Variants in ELOVL5 observed in about 807,000 individuals in gnomAD.
The protein encoded by ELOVL5 is ELOVL fatty acid elongase 5, also known as very long chain fatty acid elongase 5.
A neutral mutation model predicts 38.6 loss-of-function variants in ELOVL5; 8 were observed. The observed-to-expected ratio is 0.21, with a 90% CI of 0.12 to 0.37. ELOVL5 has a LOEUF of 0.37. ELOVL5 is among the 10% of genes least tolerant of loss of function. ELOVL5 has a pLI of 1.00. For missense variants in ELOVL5, 280 were observed against 367.8 expected (o/e 0.76, Z 1.95); for synonymous variants, 127 against 133.7 (o/e 0.95, Z 0.34).
At chr6:53,307,451 A>G (rs2127581441) in intron 1 of ELOVL5, among the ~76,000 whole-genome samples, 1 of 152,374 alleles carries the variant, frequency 6.6e-6, no homozygotes, top group South Asian at 2.1e-4. Flanking sequence ...TGCTTAGAAT[A>G]GTGTGTGGCA....
chr6:53,294,113 C>T lies in ELOVL5; in HGVS notation c.58+1529G>A, dbSNP rs1305869082. 15 of 1,395,264 alleles carry T rather than the reference C, an allele frequency of 1.1e-5. No individual in the cohort carries two copies. The Admixed American group carries it at 1.5e-4, about 14-fold the overall frequency. The allele number at this position is 1,395,264 out of a possible 1,614,324, so 86.4% of individuals were successfully genotyped here. On this transcript the variant is annotated intron_variant, in intron 2 of 7. Coordinates refer to ENST00000304434, the MANE Select transcript of ELOVL5 (RefSeq NM_021814.5). ...TTTTAACTTAAACCTCTGATTTACA[C>T]TTTGCTTTATTCATTTTCCCACAAA...
chr6:53,312,128 T>G (rs1322384123), intron 1 of ELOVL5, among the ~76,000 whole-genome samples: 1 of 152,206 alleles, frequency 6.6e-6, no homozygotes, highest in Non-Finnish European at 1.5e-5. Flanking sequence ...AGAAGTAACC[T>G]TCTGCTACAG....
In ELOVL5 at chr6:53,331,547, G is replaced by A. The variant is rs1768802888; in HGVS notation, c.-9+17270C>T. 2.0e-5 allele frequency among the ~76,000 whole-genome samples: 3 copies of A among 152,232 alleles called. No individual in the cohort carries two copies. The South Asian group carries it at 6.2e-4, about 32-fold the overall frequency. ...CATTAAGATGACCCCTACTTCACCA[G>A]GCAAGAGGAATTTTTCAGTTCCATT... is the stretch of plus-strand genomic sequence containing the variant. On this transcript the variant is annotated intron_variant, in intron 1 of 7. Transcript: ENST00000304434.
At chr6:53,310,505 C>T (rs572909248) in intron 1 of ELOVL5, among the ~76,000 whole-genome samples, 66 of 152,282 alleles carry the variant, frequency 4.3e-4, no homozygotes, top group African/African-American at 1.5e-3. Flanking sequence ...GACTTAATCA[C>T]ATTACTTACT....
chr6:53,330,681 A>G (rs943913625), intron 1 of ELOVL5, among the ~76,000 whole-genome samples: 1 of 151,888 alleles, frequency 6.6e-6, no homozygotes, highest in African/African-American at 2.4e-5. Context: ...GCCACTGTTC[A>G]TGAGTTTTAC....
chr6:53,314,708 GA>G (rs1767963845), intron 1 of ELOVL5, among the ~76,000 whole-genome samples: 1 of 151,328 alleles, frequency 6.6e-6, no homozygotes, highest in Non-Finnish European at 1.5e-5. Flanking sequence ...TAATTTGAGT[GA>G]AAAAAATAAA....
At chr6:53,334,208 T>C (rs991828412) in intron 1 of ELOVL5, among the ~76,000 whole-genome samples, 7 of 152,094 alleles carry the variant, frequency 4.6e-5, no homozygotes, top group Admixed American at 6.5e-5. Flanking sequence ...CCATTTCCCC[T>C]TTTCCAGCAC....
At chr6:53,326,668 C>T (rs750158663) in intron 1 of ELOVL5, among the ~76,000 whole-genome samples, 1 of 152,186 alleles carries the variant, frequency 6.6e-6, no homozygotes, top group Non-Finnish European at 1.5e-5. Context: ...ACTCCAAATA[C>T]AAATTATTTA....
At chr6:53,339,759 T>C (rs1207191178) in intron 1 of ELOVL5, among the ~76,000 whole-genome samples, 19 of 152,242 alleles carry the variant, frequency 1.2e-4, no homozygotes, top group Admixed American at 1.2e-3. Context: ...ACTATGTCAT[T>C]GGTTTATGTA....
chr6:53,306,016 A>G (rs1160289809), intron 1 of ELOVL5, among the ~76,000 whole-genome samples: 1 of 151,766 alleles, frequency 6.6e-6, no homozygotes. Flanking sequence ...AGCCCGGCCA[A>G]CACAGCGAAA....
intron 1 of ELOVL5, among the ~76,000 whole-genome samples, chr6:53,321,173 C>T (rs1269269638): frequency 2.0e-5 from 3 of 152,158 alleles, no homozygotes; most frequent in Non-Finnish European, 4.4e-5. Context: ...GTCATACTCG[C>T]AATTGACAGC....
At chr6:53,348,481 C>T (rs1404392774) in intron 1 of ELOVL5, among the ~76,000 whole-genome samples, 1 of 152,124 alleles carries the variant, frequency 6.6e-6, no homozygotes, top group Non-Finnish European at 1.5e-5. Flanking sequence ...CTGGTGTGGG[C>T]ACGGTGTCGT....
intron 1 of ELOVL5, chr6:53,337,052 C>T (rs1453442975): frequency 6.6e-6 from 1 of 152,176 alleles, no homozygotes; most frequent in Non-Finnish European, 1.5e-5. Context: ...TTGATCTCCT[C>T]GGAAGCCTCA....
At chr6:53,324,797 T>A (rs1768462993) in intron 1 of ELOVL5, among the ~76,000 whole-genome samples, 1 of 151,548 alleles carries the variant, frequency 6.6e-6, no homozygotes, top group African/African-American at 2.4e-5. Context: ...GAATGGGCTA[T>A]CATACCAAAA....
chr6:53,300,597 A>G (rs1420845662), intron 1 of ELOVL5, among the ~76,000 whole-genome samples: 1 of 152,178 alleles, frequency 6.6e-6, no homozygotes, highest in African/African-American at 2.4e-5. Context: ...CCACACATCT[A>G]CCAAGGGAAA....
At position 53,278,402 on chromosome 6, in the gene ELOVL5, C is replaced by T. The variant is rs115803348; in HGVS notation, c.247-2146G>A. ...GGCGCCTCAATCCCAAAGATGAGAA[C>T]GGGTTGAAGGGGTCTTGTTAACTCA... On this transcript the variant is annotated intron_variant, in intron 3 of 7. Transcript: ENST00000304434. 2.5e-3 allele frequency among the ~76,000 whole-genome samples: 386 copies of T among 152,206 alleles called. 1 individual carries two copies. Among genetic ancestry groups the T allele is most frequent in the African/African-American group, 8.9e-3 (369 of 41,522 alleles).
intron 1 of ELOVL5, among the ~76,000 whole-genome samples, chr6:53,333,517 A>G (rs1002597468): frequency 2.0e-5 from 3 of 152,180 alleles, no homozygotes; most frequent in Admixed American, 1.3e-4. Flanking sequence ...TCTGTTTTAA[A>G]TCGTGCTGCA....
intron 6 of ELOVL5, among the ~76,000 whole-genome samples, chr6:53,271,317 C>T (rs9474474): frequency 0.021 from 3,118 of 152,040 alleles, 117 homozygotes; most frequent in African/African-American, 0.071. Context: ...TTTGGGAGGC[C>T]GAGGCTGGCG....
chr6:53,287,311 A>G (rs1174241902), intron 3 of ELOVL5, among the ~76,000 whole-genome samples: 2 of 152,236 alleles, frequency 1.3e-5, no homozygotes, highest in African/African-American at 4.8e-5. Flanking sequence ...ACTACTAAAT[A>G]ACTTGAAAAT....
Sources: gnomAD v4.1 joint callset for allele counts (sites outside exome capture counted in the v4.1 genomes callset) on GRCh38, gnomAD v4.1.1 for gene constraint, MANE v1.5 for transcripts, NCBI Gene and HGNC (gene_info 2026-07-23, HGNC 2026-07-21) for gene names.